The following TMC1 variants were observed in gnomAD, a reference collection of about 807,000 sequenced individuals.
TMC1 encodes transmembrane channel like 1, also known as transmembrane channel-like protein 1.
A neutral mutation model predicts 105.8 loss-of-function variants in TMC1; 84 were observed. The ratio of observed to expected loss-of-function variants is 0.79; its 90% CI spans 0.67 to 0.95. The LOEUF (loss-of-function observed/expected upper bound fraction) is 0.95, where lower values mean the gene tolerates loss of function less well. Ranked by LOEUF, TMC1 falls within the 40% of genes least tolerant of loss-of-function variation. The pLI is 0.00. For missense variants in TMC1, 817 were observed against 914.1 expected, an observed-to-expected ratio of 0.89 and a Z score of 1.37; for synonymous variants, 315 against 311.5, an observed-to-expected ratio of 1.01 and a Z score of -0.12.
intron 8 of TMC1, among the ~76,000 whole-genome samples, chr9:72,736,228 A>G (rs1199063239): frequency 6.6e-6 from 1 of 152,134 alleles, no homozygotes; most frequent in East Asian, 1.9e-4. Flanking sequence ...CAAAAATAAA[A>G]CTTGTTTATA....
intron 6 of TMC1, among the ~76,000 whole-genome samples, chr9:72,693,281 G>C (rs953178088): frequency 6.6e-6 from 1 of 152,114 alleles, no homozygotes; most frequent in Non-Finnish European, 1.5e-5. Context: ...TGACTCACAC[G>C]TATGTGAAAA....
rs550775089 is a variant in TMC1 at position 72,662,253 on chromosome 9, C to G, written c.16+13589C>G. Reference sequence around the variant, plus strand: ...CCAGGCTGGAGTACAGTGGTACGATCTTAGCTCACCGCAACCTCCACCTCC... The same window carrying G: ...CCAGGCTGGAGTACAGTGGTACGATGTTAGCTCACCGCAACCTCCACCTCC... On this transcript the variant is annotated intron_variant, in intron 5 of 23. Coordinates refer to ENST00000297784, the MANE Select transcript of TMC1 (RefSeq NM_138691.3). 3.3e-5 allele frequency among the ~76,000 whole-genome samples: 5 copies of G among 149,766 alleles called. No homozygotes were observed. In the South Asian group the frequency reaches 6.3e-4, roughly 19 times the overall value.
intron 10 of TMC1, among the ~76,000 whole-genome samples, chr9:72,749,652 C>T (rs955317971): frequency 3.3e-5 from 5 of 151,920 alleles, no homozygotes; most frequent in South Asian, 2.1e-4. Flanking sequence ...CTGCACCCCT[C>T]GGCAATGTGA....
At chr9:72,640,406 C>T (rs1470138242) in intron 4 of TMC1, among the ~76,000 whole-genome samples, 2 of 152,194 alleles carry the variant, frequency 1.3e-5, no homozygotes, top group Non-Finnish European at 2.9e-5. Context: ...GGCATCTAAG[C>T]TATCCAGGCA....
intron 1 of TMC1, among the ~76,000 whole-genome samples, chr9:72,535,826 A>C (rs1823572824): frequency 6.6e-6 from 1 of 152,170 alleles, no homozygotes; most frequent in Non-Finnish European, 1.5e-5. Flanking sequence ...AGGTGTGGAG[A>C]GGTGCCAGGC....
In TMC1 at chr9:72,692,063, T is replaced by G. The variant is rs76546284; in HGVS notation, c.65-2480T>G. Among the ~76,000 whole-genome samples the G allele has an allele frequency of 1.2e-3, 181 of 152,194 alleles. 2 individuals carry two copies. In the East Asian group the frequency reaches 0.033, roughly 27 times the overall value. On this transcript the variant is annotated intron_variant, in intron 6 of 23. Coordinates refer to ENST00000297784, the MANE Select transcript of TMC1 (RefSeq NM_138691.3). The stretch of plus-strand genomic sequence containing the variant: ...CCAACTGTTTTTCTCCCCAGAGAGG[T>G]GCAGATTTGGTGTTTATCATCTGGT...
chr9:72,601,185 C>CACACACAG (rs1554714594), intron 2 of TMC1, among the ~76,000 whole-genome samples: 159 of 138,714 alleles, frequency 1.1e-3, no homozygotes, highest in African/African-American at 3.3e-3. Context: ...CACACACACA[C>CACACACAG]ACACACACAG....
At chr9:72,608,878 A>AATCATTCTTCAAATAGATATTTTTCTTC (rs1275483616) in intron 2 of TMC1, among the ~76,000 whole-genome samples, 4 of 152,236 alleles carry the variant, frequency 2.6e-5, no homozygotes, top group African/African-American at 9.6e-5. Context: ...GTCCCTCAGT[A>AATCATTCTTCAAATAGATATTTTTCTTC]ATCATTCTTC....
intron 1 of TMC1, among the ~76,000 whole-genome samples, chr9:72,534,254 T>C (rs907701856): frequency 3.3e-5 from 5 of 152,212 alleles, no homozygotes; most frequent in African/African-American, 1.2e-4. Flanking sequence ...CTCTCTCTTC[T>C]CCAATTCTCA....
intron 12 of TMC1, among the ~76,000 whole-genome samples, chr9:72,764,974 G>T (rs113592438): frequency 1.3e-5 from 2 of 152,288 alleles, no homozygotes; most frequent in African/African-American, 4.8e-5. Context: ...CTGGCATTCA[G>T]ATACTGGACT....
At chr9:72,669,303 T>C (rs1826091914) in intron 5 of TMC1, among the ~76,000 whole-genome samples, 1 of 151,980 alleles carries the variant, frequency 6.6e-6, no homozygotes, top group Non-Finnish European at 1.5e-5. Context: ...AGTAAGACTC[T>C]ATCTAAAGAA....
intron 2 of TMC1, among the ~76,000 whole-genome samples, chr9:72,584,784 C>CTTTT (rs71357591): frequency 4.4e-5 from 5 of 112,990 alleles, no homozygotes; most frequent in Admixed American, 1.0e-4. Flanking sequence ...CTTTTCTTTT[C>CTTTT]TTTTTTTTTT....
chr9:72,557,984 T>G (rs938645643), intron 1 of TMC1, among the ~76,000 whole-genome samples: 2 of 152,164 alleles, frequency 1.3e-5, no homozygotes, highest in Admixed American at 6.5e-5. Flanking sequence ...GTCAATTATT[T>G]TAATAAGTGA....
chr9:72,781,067 C>T (rs1001238673), intron 13 of TMC1, among the ~76,000 whole-genome samples: 5 of 152,120 alleles, frequency 3.3e-5, no homozygotes, highest in Non-Finnish European at 7.4e-5. Flanking sequence ...CATGCTCACT[C>T]ATAAAGCAAT....
chr9:72,805,354 T>G, intron 17 of TMC1, 28 bp from the exon 18 acceptor site: 1 of 1,611,992 alleles, frequency 6.2e-7, no homozygotes, highest in Non-Finnish European at 8.5e-7. Context: ...CAGAACTGTG[T>G]GTTTTAATAG....
chr9:72,544,496 T>TG (rs71357582), intron 1 of TMC1, among the ~76,000 whole-genome samples: 4 of 149,982 alleles, frequency 2.7e-5, no homozygotes, highest in South Asian at 4.2e-4. Context: ...TTTTTTTTTT[T>TG]GTGAGAAAGT....
chr9:72,658,385 T>C (rs1024983208), intron 5 of TMC1, among the ~76,000 whole-genome samples: 1 of 151,974 alleles, frequency 6.6e-6, no homozygotes, highest in Non-Finnish European at 1.5e-5. Flanking sequence ...TTTAATCTCT[T>C]TCAGTCTATC....
At chr9:72,526,110 C>T (rs374383840) in intron 1 of TMC1, among the ~76,000 whole-genome samples, 11 of 151,998 alleles carry the variant, frequency 7.2e-5, no homozygotes, top group Non-Finnish European at 8.8e-5. Context: ...GGGCTGGGGG[C>T]GTGGGGTGTA....
chr9:72,767,771 G>A (rs1465027502), intron 12 of TMC1, among the ~76,000 whole-genome samples: 1 of 152,220 alleles, frequency 6.6e-6, no homozygotes, highest in Non-Finnish European at 1.5e-5. Context: ...AGATTTTGGG[G>A]TGGGAGAGTG....
Sources: gnomAD v4.1 joint callset for allele counts (sites outside exome capture counted in the v4.1 genomes callset) on GRCh38, gnomAD v4.1.1 for gene constraint, MANE v1.5 for transcripts, NCBI Gene and HGNC (gene_info 2026-07-23, HGNC 2026-07-21) for gene names.